The following BRINP3 variants were observed in gnomAD, a reference collection of about 807,000 sequenced individuals.
BRINP3 encodes BMP/retinoic acid-inducible neural-specific protein 3.
BRINP3 carries 19 observed loss-of-function variants against 71.0 expected under a neutral mutation model. That is an observed-to-expected ratio of 0.27 (90% CI 0.19 to 0.39). The LOEUF is 0.39. Among genes scored for constraint, BRINP3 ranks in the 10% least tolerant of loss-of-function variants. The pLI is 1.00. For missense variants in BRINP3, 959 were observed against 940.8 expected (o/e 1.02, Z -0.25); for synonymous variants, 380 against 337.7 (o/e 1.13, Z -1.37).
intron 6 of BRINP3, among the ~76,000 whole-genome samples, chr1:190,163,353 A>G (rs766081533): frequency 2.2e-4 from 33 of 152,206 alleles, no homozygotes; most frequent in Non-Finnish European, 3.4e-4. Context: ...GTAAAAGAAA[A>G]CAAATCAATA....
intron 6 of BRINP3, among the ~76,000 whole-genome samples, chr1:190,193,204 T>A (rs933791938): frequency 6.6e-6 from 1 of 151,894 alleles, no homozygotes; most frequent in Non-Finnish European, 1.5e-5. Context: ...ACTATCAATA[T>A]GGAGGAAGAA....
At chr1:190,304,419 A>G (rs1664951478) in intron 2 of BRINP3, among the ~76,000 whole-genome samples, 1 of 151,882 alleles carries the variant, frequency 6.6e-6, no homozygotes, top group South Asian at 2.1e-4. Flanking sequence ...TGATACTGGT[A>G]TAAGAACAGA....
intron 2 of BRINP3, among the ~76,000 whole-genome samples, chr1:190,327,352 G>GAAAAAAAA (rs796445574): frequency 9.0e-5 from 7 of 77,420 alleles, no homozygotes; most frequent in Non-Finnish European, 1.4e-4. Flanking sequence ...AAAAAAAAAG[G>GAAAAAAAA]AAAAAAAAAA....
At chr1:190,250,269 A>G (rs987589321) in intron 4 of BRINP3, among the ~76,000 whole-genome samples, 1 of 151,984 alleles carries the variant, frequency 6.6e-6, no homozygotes, top group Non-Finnish European at 1.5e-5. Context: ...ATTATATATC[A>G]CATCACTAAT....
chr1:190,464,046 A>T (rs1676572100), intron 1 of BRINP3, among the ~76,000 whole-genome samples: 1 of 151,872 alleles, frequency 6.6e-6, no homozygotes, highest in Non-Finnish European at 1.5e-5. Flanking sequence ...AATATGTAAA[A>T]ATGGGAATAA....
chr1:190,164,392 T>C (rs760289483), intron 6 of BRINP3, among the ~76,000 whole-genome samples: 1 of 152,114 alleles, frequency 6.6e-6, no homozygotes, highest in Non-Finnish European at 1.5e-5. Flanking sequence ...GAAGCTGCTG[T>C]CATTGGTAAG....
At chr1:190,171,432 T>C (rs1299465807) in intron 6 of BRINP3, among the ~76,000 whole-genome samples, 2 of 152,160 alleles carry the variant, frequency 1.3e-5, no homozygotes, top group African/African-American at 2.4e-5. Context: ...TCTCCTCTTG[T>C]AGGCCAATTG....
chr1:190,412,715 GC>G (rs1436812729), intron 2 of BRINP3, among the ~76,000 whole-genome samples: 1 of 151,602 alleles, frequency 6.6e-6, no homozygotes, highest in East Asian at 1.9e-4. Flanking sequence ...GCCCGCCTCG[GC>G]CTCCCAAAGT....
At chr1:190,426,113 T>C (rs1673687945) in intron 2 of BRINP3, among the ~76,000 whole-genome samples, 1 of 151,836 alleles carries the variant, frequency 6.6e-6, no homozygotes, top group Non-Finnish European at 1.5e-5. Flanking sequence ...AAAGTTCATA[T>C]ATATCCTTTA....
intron 2 of BRINP3, among the ~76,000 whole-genome samples, chr1:190,360,692 G>A (rs1669085672): frequency 1.3e-5 from 2 of 151,760 alleles, no homozygotes; most frequent in Admixed American, 6.6e-5. Context: ...AGGCTTTATC[G>A]TTGCCTTGGT....
chr1:190,247,721 C>T (rs1467785884), intron 4 of BRINP3, among the ~76,000 whole-genome samples: 3 of 151,758 alleles, frequency 2.0e-5, no homozygotes, highest in African/African-American at 7.3e-5. Context: ...TTCTTTTCGT[C>T]CCACATGTGA....
intron 4 of BRINP3, among the ~76,000 whole-genome samples, chr1:190,240,522 G>T (rs1041266727): frequency 2.6e-5 from 4 of 152,000 alleles, no homozygotes; most frequent in Non-Finnish European, 5.9e-5. Flanking sequence ...TGTTTCCCCA[G>T]AGTTAAAAAT....
At chr1:190,412,839 A>G (rs1381364400) in intron 2 of BRINP3, among the ~76,000 whole-genome samples, 3 of 152,158 alleles carry the variant, frequency 2.0e-5, no homozygotes, top group South Asian at 2.1e-4. Context: ...TAAAAAATGC[A>G]TAATGTGGGT....
At chr1:190,232,438 G>A (rs1571439649) in intron 5 of BRINP3, among the ~76,000 whole-genome samples, 1 of 151,976 alleles carries the variant, frequency 6.6e-6, no homozygotes, top group East Asian at 1.9e-4. Context: ...AAGAAAGAGT[G>A]CATGAAATAT....
intron 2 of BRINP3, among the ~76,000 whole-genome samples, chr1:190,366,543 C>T (rs923971126): frequency 6.6e-6 from 1 of 152,094 alleles, no homozygotes; most frequent in Non-Finnish European, 1.5e-5. Context: ...TCTCACATTT[C>T]AAAACACAGT....
At position 190,181,618 on chromosome 1, in the gene BRINP3, G is replaced by T. The variant is rs550376373; in HGVS notation, c.962-20728C>A. On this transcript the variant is annotated intron_variant, in intron 6 of 7. Transcript: ENST00000367462. ...ACAAAACTTATCATGGTGGACTAGT[G>T]TAGGTATTTTACCAGTTTGAATAAA... Among the ~76,000 whole-genome samples, 3 of 152,022 alleles carry T rather than the reference G, an allele frequency of 2.0e-5. No homozygotes were observed. In the East Asian group the frequency reaches 5.8e-4, roughly 29 times the overall value.
chr1:190,278,817 C>A (rs1056872630), intron 3 of BRINP3, among the ~76,000 whole-genome samples: 2 of 151,022 alleles, frequency 1.3e-5, no homozygotes, highest in African/African-American at 2.4e-5. Flanking sequence ...CTGGAAGAAT[C>A]AACCTCAAGT....
At chr1:190,376,789 G>A (rs1197415832) in intron 2 of BRINP3, among the ~76,000 whole-genome samples, 1 of 152,002 alleles carries the variant, frequency 6.6e-6, no homozygotes, top group Admixed American at 6.6e-5. Flanking sequence ...ATTGATATAT[G>A]TGTGTTGCTA....
At chr1:190,380,822 A>G (rs1670500393) in intron 2 of BRINP3, among the ~76,000 whole-genome samples, 1 of 152,136 alleles carries the variant, frequency 6.6e-6, no homozygotes, top group African/African-American at 2.4e-5. Context: ...AAAAAAACAC[A>G]ATTTGTTCGA....
Sources: gnomAD v4.1 joint callset for allele counts (sites outside exome capture counted in the v4.1 genomes callset) on GRCh38, gnomAD v4.1.1 for gene constraint, MANE v1.5 for transcripts, NCBI Gene and HGNC (gene_info 2026-07-23, HGNC 2026-07-21) for gene names.